The following CHRM3 variants were observed in gnomAD, a reference collection of about 807,000 sequenced individuals.
CHRM3 encodes the protein cholinergic receptor muscarinic 3.
A neutral mutation model predicts 41.8 loss-of-function variants in CHRM3; 11 were observed. That is an observed-to-expected ratio of 0.26 (90% CI 0.17 to 0.44). The LOEUF (loss-of-function observed/expected upper bound fraction) is 0.44. CHRM3 is among the 20% of genes least tolerant of loss of function. The probability of loss-of-function intolerance (pLI) is 1.00; values close to 1 mark genes in which losing one functional copy is unlikely to be tolerated. For synonymous variants in CHRM3, 297 were observed against 301.4 expected (o/e 0.99, Z 0.15); for missense variants, 571 against 745.4 (o/e 0.77, Z 2.72).
intron 5 of CHRM3, among the ~76,000 whole-genome samples, chr1:239,734,887 G>A (rs1280240626): frequency 1.3e-5 from 2 of 152,058 alleles, no homozygotes; most frequent in Admixed American, 1.3e-4. Context: ...CTGGGTGATG[G>A]AATTCGTTAT....
chr1:239,785,054 C>T (rs1346317595), intron 5 of CHRM3, among the ~76,000 whole-genome samples: 1 of 152,152 alleles, frequency 6.6e-6, no homozygotes, highest in Non-Finnish European at 1.5e-5. Context: ...TGCCATCTGC[C>T]AGTTTGCTGA....
At chr1:239,433,226 A>G (rs992314985) in intron 1 of CHRM3, among the ~76,000 whole-genome samples, 2 of 152,196 alleles carry the variant, frequency 1.3e-5, no homozygotes, top group Non-Finnish European at 2.9e-5. Context: ...CTAGATTTTT[A>G]TACTAAGAAT....
chr1:239,757,366 C>T lies in CHRM3; in HGVS notation c.-146-69886C>T, dbSNP rs545990889. On this transcript the variant is annotated intron_variant, in intron 5 of 6. Coordinates refer to ENST00000676153, the MANE Select transcript of CHRM3 (RefSeq NM_001375978.1). ...GAACTGTAGAAAAGACATCCTCTCA[C>T]GCCTGTAATCCCAGCACTTTAGGAG... Among the ~76,000 whole-genome samples, 52 of 152,192 alleles carry T rather than the reference C, an allele frequency of 3.4e-4. No individual in the cohort carries two copies. The South Asian group carries it at 1.0e-2, about 29-fold the overall frequency.
chr1:239,460,951 A>G (rs1396691193), intron 1 of CHRM3, among the ~76,000 whole-genome samples: 2 of 152,228 alleles, frequency 1.3e-5, no homozygotes, highest in South Asian at 2.1e-4. Flanking sequence ...ATCATCTGCA[A>G]TACAGCAAAC....
chr1:239,688,675 A>G (rs182795547), intron 5 of CHRM3, among the ~76,000 whole-genome samples: 166 of 133,586 alleles, frequency 1.2e-3, no homozygotes, highest in South Asian at 2.6e-3. Flanking sequence ...ATAATATTAT[A>G]TGTTATGCAA....
chr1:239,417,598 CT>C (rs1661602851), intron 1 of CHRM3, among the ~76,000 whole-genome samples: 1 of 49,470 alleles, frequency 2.0e-5, no homozygotes, highest in South Asian at 6.6e-4. Flanking sequence ...TTTTTTTTTG[CT>C]TTTTCTCTTA....
At chr1:239,832,397 T>G (rs775777936) in intron 6 of CHRM3, among the ~76,000 whole-genome samples, 1 of 152,140 alleles carries the variant, frequency 6.6e-6, no homozygotes. Context: ...GCAAAATCCC[T>G]AGTATTCGTC....
At chr1:239,853,978 A>G (rs1558181052) in intron 6 of CHRM3, among the ~76,000 whole-genome samples, 1 of 152,140 alleles carries the variant, frequency 6.6e-6, no homozygotes, top group African/African-American at 2.4e-5. Flanking sequence ...GTTGTCCCAC[A>G]TTGGTGGAGA....
chr1:239,623,464 G>T (rs1404064235), intron 3 of CHRM3, among the ~76,000 whole-genome samples: 1 of 144,174 alleles, frequency 6.9e-6, no homozygotes, highest in Non-Finnish European at 1.5e-5. Context: ...ATGGCTGCAT[G>T]GTATTCCATG....
At chr1:239,403,615 C>A (rs955484868) in intron 1 of CHRM3, among the ~76,000 whole-genome samples, 8 of 152,028 alleles carry the variant, frequency 5.3e-5, no homozygotes, top group Admixed American at 4.6e-4. Context: ...ATTATGGTTC[C>A]TTTCACCAGC....
intron 3 of CHRM3, among the ~76,000 whole-genome samples, chr1:239,565,986 C>G (rs188906654): frequency 1.0e-3 from 151 of 145,844 alleles, no homozygotes; most frequent in Non-Finnish European, 1.8e-3. Flanking sequence ...GTGATCATGG[C>G]TCACTGCAGC....
At chr1:239,602,953 T>C (rs1163058113) in intron 3 of CHRM3, among the ~76,000 whole-genome samples, 1 of 152,166 alleles carries the variant, frequency 6.6e-6, no homozygotes, top group Non-Finnish European at 1.5e-5. Flanking sequence ...GTGCAACCAG[T>C]CTCCAGACCT....
At chr1:239,735,455 T>G (rs1664318148) in intron 5 of CHRM3, among the ~76,000 whole-genome samples, 1 of 152,184 alleles carries the variant, frequency 6.6e-6, no homozygotes, top group Non-Finnish European at 1.5e-5. Context: ...TTTATTCTTT[T>G]AAAATGGTAA....
chr1:239,578,174 A>G (rs1667161251), intron 3 of CHRM3, among the ~76,000 whole-genome samples: 1 of 152,202 alleles, frequency 6.6e-6, no homozygotes, highest in South Asian at 2.1e-4. Flanking sequence ...AAGGTCAGTT[A>G]GGTCAGTCAG....
chr1:239,674,833 A>G (rs1344719801), intron 4 of CHRM3, among the ~76,000 whole-genome samples: 3 of 152,138 alleles, frequency 2.0e-5, no homozygotes, highest in African/African-American at 7.2e-5. Flanking sequence ...AATTTTTTCA[A>G]TGGTAAATTG....
intron 3 of CHRM3, among the ~76,000 whole-genome samples, chr1:239,578,278 A>G (rs1662557996): frequency 6.6e-6 from 1 of 152,210 alleles, no homozygotes; most frequent in Non-Finnish European, 1.5e-5. Flanking sequence ...TAATTGTTCA[A>G]GAAACCTTTG....
intron 5 of CHRM3, among the ~76,000 whole-genome samples, chr1:239,710,847 A>C (rs558413150): frequency 1.3e-5 from 2 of 152,132 alleles, no homozygotes; most frequent in Admixed American, 6.6e-5. Context: ...CTCTCACCAC[A>C]CCGCAAACAA....
intron 2 of CHRM3, among the ~76,000 whole-genome samples, chr1:239,503,972 A>C (rs898500527): frequency 6.6e-6 from 1 of 152,210 alleles, no homozygotes; most frequent in Admixed American, 6.5e-5. Flanking sequence ...TCTAGAAGAT[A>C]ACATTAGAAA....
At chr1:239,838,973 A>G (rs939772665) in intron 6 of CHRM3, among the ~76,000 whole-genome samples, 2 of 152,268 alleles carry the variant, frequency 1.3e-5, no homozygotes, top group South Asian at 4.1e-4. Flanking sequence ...CTAGAAAATT[A>G]AAGCATGGAT....
Sources: gnomAD v4.1 joint callset for allele counts (sites outside exome capture counted in the v4.1 genomes callset) on GRCh38, gnomAD v4.1.1 for gene constraint, MANE v1.5 for transcripts, NCBI Gene and HGNC (gene_info 2026-07-23, HGNC 2026-07-21) for gene names.